The following PTPRN2 variants were observed in gnomAD, a reference collection of about 807,000 sequenced individuals.
The protein encoded by PTPRN2 is receptor-type tyrosine-protein phosphatase N2.
In PTPRN2, 74 loss-of-function variants were observed where a neutral mutation model predicts 118.8. The ratio of observed to expected loss-of-function variants is 0.62; its 90% CI spans 0.52 to 0.76. The LOEUF (loss-of-function observed/expected upper bound fraction) is 0.76, where lower values mean the gene tolerates loss of function less well. Among genes scored for constraint, PTPRN2 ranks in the 30% least tolerant of loss-of-function variants. The probability of loss-of-function intolerance (pLI) is 0.00; values close to 1 mark genes in which losing one functional copy is unlikely to be tolerated. For missense variants in PTPRN2, 1,481 were observed against 1,394.4 expected, an observed-to-expected ratio of 1.06 and a Z score of -0.99; for synonymous variants, 641 against 608.0, an observed-to-expected ratio of 1.05 and a Z score of -0.80.
chr7:157,661,460 C>T (rs1273874908), intron 13 of PTPRN2, among the ~76,000 whole-genome samples: 5 of 150,902 alleles, frequency 3.3e-5, no homozygotes, highest in East Asian at 1.9e-4. Context: ...TGCGGGCTTC[C>T]GCCTGGGAAC....
intron 11 of PTPRN2, among the ~76,000 whole-genome samples, chr7:157,924,901 G>A (rs1181471529): frequency 1.4e-5 from 2 of 146,208 alleles, no homozygotes; most frequent in Non-Finnish European, 3.0e-5. Context: ...ATGTAGTCAG[G>A]ATGCAGGCAC....
At chr7:157,728,987 G>A (rs2150934353) in intron 12 of PTPRN2, among the ~76,000 whole-genome samples, 1 of 152,326 alleles carries the variant, frequency 6.6e-6, no homozygotes, top group East Asian at 1.9e-4. Flanking sequence ...CCCGGGGCCA[G>A]GGGAGTTTGG....
intron 2 of PTPRN2, among the ~76,000 whole-genome samples, chr7:158,466,359 T>C (rs1190314842): frequency 1.3e-5 from 2 of 152,166 alleles, no homozygotes; most frequent in Non-Finnish European, 2.9e-5. Context: ...CACTCTCTGT[T>C]TCTATGTAGT....
rs968430644 is a variant in PTPRN2, at chr7:158,555,885, A to C, written c.112+31673T>G. On this transcript the variant is annotated intron_variant, in intron 1 of 22. Transcript: ENST00000389418. This position sits in a 1 kb window ranked among gnomAD's most constrained non-coding sequence, Gnocchi z 4.7. ...CAGAGAACAAAATCTGTGAACAATA[A>C]TCACAACATGGCACACACAACACAC... 4.6e-5 allele frequency among the ~76,000 whole-genome samples: 7 copies of C among 152,204 alleles called. No individual in the cohort carries two copies. Among genetic ancestry groups the C allele is most frequent in the Non-Finnish European group, 1.0e-4 (7 of 68,038 alleles).
intron 14 of PTPRN2, among the ~76,000 whole-genome samples, chr7:157,650,100 G>A (rs998343511): frequency 2.0e-5 from 3 of 152,196 alleles, no homozygotes; most frequent in Non-Finnish European, 2.9e-5. Context: ...CTCCAGAGCC[G>A]GCTACTATGG....
chr7:158,441,844 G>A (rs796525733), intron 2 of PTPRN2, among the ~76,000 whole-genome samples: 2 of 77,112 alleles, frequency 2.6e-5, no homozygotes, highest in East Asian at 4.8e-4. Flanking sequence ...TGGCAGTGGT[G>A]GTGATGGTGA....
chr7:158,429,587 C>T (rs1816006651), intron 2 of PTPRN2, among the ~76,000 whole-genome samples: 1 of 152,254 alleles, frequency 6.6e-6, no homozygotes, highest in South Asian at 2.1e-4. Context: ...TCCCACCTCC[C>T]TCCTGCCACC....
At chr7:157,988,661 C>T (rs921537851) in intron 11 of PTPRN2, among the ~76,000 whole-genome samples, 3 of 152,134 alleles carry the variant, frequency 2.0e-5, no homozygotes, top group Non-Finnish European at 2.9e-5. Flanking sequence ...TGGAGGGAAC[C>T]GGGGGAGGGA....
At chr7:157,910,705 CGTGTGT>C (rs34091528) in intron 11 of PTPRN2, among the ~76,000 whole-genome samples, 22 of 151,282 alleles carry the variant, frequency 1.5e-4, no homozygotes, top group East Asian at 1.4e-3. Flanking sequence ...CGGCAGGGCA[CGTGTGT>C]GTGTGTGTGT....
intron 2 of PTPRN2, among the ~76,000 whole-genome samples, chr7:158,349,902 C>G (rs1487457840): frequency 6.6e-6 from 1 of 151,974 alleles, no homozygotes; most frequent in Non-Finnish European, 1.5e-5. Flanking sequence ...TCCCTGAGGG[C>G]CCCCCGGGCC....
chr7:157,689,166 T>C (rs1300290700), intron 12 of PTPRN2, among the ~76,000 whole-genome samples: 4 of 152,230 alleles, frequency 2.6e-5, no homozygotes, highest in African/African-American at 9.6e-5. Flanking sequence ...CACTTTCCTC[T>C]GTGTCGGTGA....
intron 12 of PTPRN2, among the ~76,000 whole-genome samples, chr7:157,751,193 G>A (rs1187755731): frequency 1.3e-5 from 2 of 152,172 alleles, no homozygotes; most frequent in African/African-American, 4.8e-5. Context: ...AATTGCAACT[G>A]GAGACATGCT....
At chr7:158,501,742 G>A (rs943773555) in intron 1 of PTPRN2, among the ~76,000 whole-genome samples, 1 of 152,196 alleles carries the variant, frequency 6.6e-6, no homozygotes, top group Non-Finnish European at 1.5e-5. Flanking sequence ...GGAGGCCAAC[G>A]CGTGTTTCGG....
intron 3 of PTPRN2, among the ~76,000 whole-genome samples, chr7:158,293,458 C>T (rs1800250923): frequency 6.6e-6 from 1 of 151,792 alleles, no homozygotes; most frequent in African/African-American, 2.4e-5. Flanking sequence ...CACATGTAAT[C>T]CCAGGTACTC....
intron 2 of PTPRN2, among the ~76,000 whole-genome samples, chr7:158,386,983 G>A (rs919177603): frequency 9.2e-5 from 14 of 152,204 alleles, no homozygotes; most frequent in African/African-American, 3.1e-4. Context: ...CACAGGGGTG[G>A]GCTGAGGATG....
chr7:158,501,889 C>T (rs1381950324), intron 1 of PTPRN2, among the ~76,000 whole-genome samples: 2 of 152,218 alleles, frequency 1.3e-5, no homozygotes, highest in African/African-American at 4.8e-5. Flanking sequence ...AGCACCGCGC[C>T]CAGCTCACAT....
At chr7:158,166,415 C>T (rs1428753863) in intron 6 of PTPRN2, among the ~76,000 whole-genome samples, 2 of 20,202 alleles carry the variant, frequency 9.9e-5, no homozygotes, top group Non-Finnish European at 1.3e-4. Context: ...CTCCTCCCCC[C>T]GGGTGCCGCG....
intron 2 of PTPRN2, among the ~76,000 whole-genome samples, chr7:158,331,256 C>G (rs368985511): frequency 2.0e-5 from 3 of 149,010 alleles, no homozygotes; most frequent in South Asian, 2.1e-4. Context: ...CACACCCACA[C>G]TCTCACCATA....
At chr7:157,873,360 C>T (rs973850638) in intron 12 of PTPRN2, among the ~76,000 whole-genome samples, 3 of 152,272 alleles carry the variant, frequency 2.0e-5, no homozygotes, top group Admixed American at 2.0e-4. Flanking sequence ...AGTTTGCTCG[C>T]TTCCCTGGAG....
Sources: allele counts gnomAD v4.1 joint callset (sites outside exome capture counted in the v4.1 genomes callset), GRCh38; gene constraint gnomAD v4.1.1; non-coding constraint Gnocchi (gnomAD v3.1); transcripts MANE v1.5; gene names NCBI Gene and HGNC (gene_info 2026-07-23, HGNC 2026-07-21).